The following GRIN2A variants were observed in gnomAD, a reference collection of about 807,000 sequenced individuals.
GRIN2A encodes glutamate ionotropic receptor NMDA type subunit 2A, also known as glutamate receptor ionotropic, NMDA 2A.
Under a neutral mutation model 113.4 loss-of-function variants are expected in GRIN2A, and 22 were observed. The ratio of observed to expected loss-of-function variants is 0.19; its 90% CI spans 0.14 to 0.28. GRIN2A has a LOEUF of 0.28. GRIN2A is among the 10% of genes least tolerant of loss of function. GRIN2A has a pLI of 1.00. For missense variants in GRIN2A, 1,502 were observed against 1,887.0 expected, an observed-to-expected ratio of 0.80 and a Z score of 3.78; for synonymous variants, 827 against 738.4, an observed-to-expected ratio of 1.12 and a Z score of -1.94.
Position 9,840,771 on chromosome 16 carries a change from A to T in GRIN2A, c.1527T>A (p.Val509=), listed in dbSNP as rs149582513. 1.2e-6 allele frequency: 2 copies of T among 1,610,566 alleles called. No individual in the cohort carries two copies. The highest frequency in any genetic ancestry group is 2.7e-5 in the African/African-American group (2 of 73,466). Residue 509 remains valine (V), a synonymous_variant, in exon 7 of 13, where the codon GTT becomes GTA. Coordinates refer to ENST00000330684, the MANE Select transcript of GRIN2A (RefSeq NM_001134407.3). Reference sequence around the variant, plus strand: ...GTTCCTCATTGATGGTGAGCGAGCCAACTGCCATGACTGCCCGTTGATAGA... The same window carrying T: ...GTTCCTCATTGATGGTGAGCGAGCCTACTGCCATGACTGCCCGTTGATAGA... ...EVVYQRAVMA[V]GSLTINEERS... is the part of the protein sequence containing the mutation.
intron 2 of GRIN2A, among the ~76,000 whole-genome samples, chr16:9,953,970 A>C (rs1302051095): frequency 1.2e-3 from 187 of 152,234 alleles, no homozygotes; most frequent in African/African-American, 4.2e-3. Flanking sequence ...ACACAACAGT[A>C]TTTTAGAGGT....
chr16:9,814,340 T>G (rs2042146247), intron 10 of GRIN2A, among the ~76,000 whole-genome samples: 1 of 152,194 alleles, frequency 6.6e-6, no homozygotes, highest in African/African-American at 2.4e-5. Context: ...TATTGGGTAA[T>G]TAGGTTAACA....
chr16:9,959,843 G>A (rs1203864719), intron 2 of GRIN2A, among the ~76,000 whole-genome samples: 3 of 152,114 alleles, frequency 2.0e-5, no homozygotes, highest in Non-Finnish European at 2.9e-5. Context: ...GCGTGGTGGC[G>A]CATGCCTGTG....
chr16:10,119,573 T>C (rs1331989715), intron 2 of GRIN2A, among the ~76,000 whole-genome samples: 3 of 152,276 alleles, frequency 2.0e-5, no homozygotes, highest in Admixed American at 2.0e-4. Context: ...GGAAAGATTA[T>C]TTTTTAACTT....
intron 2 of GRIN2A, among the ~76,000 whole-genome samples, chr16:10,015,252 C>CAA (rs200124835): frequency 5.2e-4 from 10 of 19,310 alleles, no homozygotes; most frequent in East Asian, 2.7e-3. Context: ...GACTTCATCT[C>CAA]AAAAAAAAAA....
intron 7 of GRIN2A, among the ~76,000 whole-genome samples, chr16:9,834,464 C>T (rs2042552847): frequency 6.6e-6 from 1 of 152,206 alleles, no homozygotes. Context: ...TTGCTGCAAC[C>T]TCCGCCCCCC....
chr16:10,025,710 G>A (rs1051072533), intron 2 of GRIN2A, among the ~76,000 whole-genome samples: 16 of 152,166 alleles, frequency 1.1e-4, no homozygotes, highest in African/African-American at 2.4e-4. Flanking sequence ...ACACCAGAGC[G>A]GGGTCCACTC....
At chr16:9,896,799 A>T (rs573171402) in intron 3 of GRIN2A, among the ~76,000 whole-genome samples, 1 of 152,210 alleles carries the variant, frequency 6.6e-6, no homozygotes, top group Admixed American at 6.5e-5. Context: ...AGGACAATCC[A>T]TATTTCCATG....
Position 9,807,453 on chromosome 16 carries a change from G to A in GRIN2A, c.2169-8989C>T, listed in dbSNP as rs1262840861. On this transcript the variant is annotated intron_variant, in intron 10 of 12. Coordinates refer to ENST00000330684, the MANE Select transcript of GRIN2A (RefSeq NM_001134407.3). ...AAAGAGAGACAGAGACAGAGAGAGA[G>A]AGAAAGAGAAAGAATACCCAAGAGA... 2.6e-5 allele frequency among the ~76,000 whole-genome samples: 4 copies of A among 151,708 alleles called. No individual in the cohort carries two copies. In the East Asian group the frequency reaches 7.8e-4, roughly 30 times the overall value.
intron 4 of GRIN2A, among the ~76,000 whole-genome samples, chr16:9,852,670 C>T (rs1027885892): frequency 1.2e-4 from 18 of 152,122 alleles, no homozygotes; most frequent in African/African-American, 3.9e-4. Context: ...GAGCTCTTAC[C>T]TTCTTTTCTC....
intron 2 of GRIN2A, among the ~76,000 whole-genome samples, chr16:10,173,684 G>A (rs1413018742): frequency 6.6e-6 from 1 of 152,126 alleles, no homozygotes; most frequent in Non-Finnish European, 1.5e-5. Context: ...TGCCCCTATG[G>A]AGCACAAATG....
At chr16:10,148,432 G>T (rs1430744153) in intron 2 of GRIN2A, among the ~76,000 whole-genome samples, 2 of 152,062 alleles carry the variant, frequency 1.3e-5, no homozygotes, top group Non-Finnish European at 2.9e-5. Flanking sequence ...TAAAAGAGTG[G>T]AGCATTCTGT....
Position 9,925,136 on chromosome 16 carries a change from T to C in GRIN2A, c.1007+12823A>G, listed in dbSNP as rs72772124. On this transcript the variant is annotated intron_variant, in intron 3 of 12. Transcript: ENST00000330684. Reference sequence around the variant, plus strand: ...TTACTATAAATATCACTGAGCTCTGTTCTAGAGTGACTAAGTTACTTGGAA... The same window carrying C: ...TTACTATAAATATCACTGAGCTCTGCTCTAGAGTGACTAAGTTACTTGGAA... 7.2e-3 allele frequency among the ~76,000 whole-genome samples: 1,095 copies of C among 152,340 alleles called. 5 individuals carry two copies. The highest frequency in any genetic ancestry group is 0.012 in the Non-Finnish European group (791 of 68,026).
At chr16:10,160,608 G>C (rs771185856) in intron 2 of GRIN2A, among the ~76,000 whole-genome samples, 1 of 152,232 alleles carries the variant, frequency 6.6e-6, no homozygotes, top group Non-Finnish European at 1.5e-5. Context: ...GAGGGCATCA[G>C]AGACTTTCCC....
rs1185948568 is a variant in GRIN2A, at chr16:9,829,798, C to A, written c.1778-146G>T. On this transcript the variant is annotated intron_variant, in intron 8 of 12. Transcript: ENST00000330684. ...GTTGTGTCCTGTGATTGCCCTAGAA[C>A]CACAATAACTTATTTTTTTCTTTAA... The A allele has an allele frequency of 9.3e-6, 6 of 642,658 alleles. No homozygotes were observed. The East Asian group carries it at 1.7e-4, about 18-fold the overall frequency. 39.8% of individuals were successfully genotyped at this position (642,658 alleles called of 1,614,324 possible). A position where few individuals can be genotyped will look rare whatever the true frequency, so the allele number is the denominator to read the frequency against.
chr16:10,109,282 C>G (rs2048562191), intron 2 of GRIN2A, among the ~76,000 whole-genome samples: 1 of 151,772 alleles, frequency 6.6e-6, no homozygotes, highest in Non-Finnish European at 1.5e-5. Context: ...AGTTTAAAAC[C>G]CTCCCACAAA....
At chr16:9,809,485 G>A (rs1020517092) in intron 10 of GRIN2A, among the ~76,000 whole-genome samples, 6 of 150,980 alleles carry the variant, frequency 4.0e-5, no homozygotes, top group South Asian at 2.1e-4. Context: ...GAAATGGAAC[G>A]TACATCAAAC....
At chr16:10,024,837 C>G (rs2046790711) in intron 2 of GRIN2A, among the ~76,000 whole-genome samples, 1 of 152,160 alleles carries the variant, frequency 6.6e-6, no homozygotes, top group South Asian at 2.1e-4. Flanking sequence ...GCATGAGAGA[C>G]CACAAGTAGA....
chr16:10,172,401 T>C (rs1001965142), intron 2 of GRIN2A, among the ~76,000 whole-genome samples: 1 of 152,238 alleles, frequency 6.6e-6, no homozygotes, highest in East Asian at 1.9e-4. Flanking sequence ...CATGGTTGCA[T>C]ACATGCCATA....
Sources: allele counts gnomAD v4.1 joint callset (sites outside exome capture counted in the v4.1 genomes callset), GRCh38; gene constraint gnomAD v4.1.1; transcripts MANE v1.5; gene names NCBI Gene and HGNC (gene_info 2026-07-23, HGNC 2026-07-21).